HECW2: variants seen among roughly 807,000 people sequenced by gnomAD.
HECW2 encodes E3 ubiquitin-protein ligase HECW2.
HECW2 carries 61 observed loss-of-function variants against 175.2 expected under a neutral mutation model. The ratio of observed to expected loss-of-function variants is 0.35; its 90% CI spans 0.28 to 0.43. The LOEUF (loss-of-function observed/expected upper bound fraction) is 0.43, where lower values mean the gene tolerates loss of function less well. Ranked by LOEUF, HECW2 falls within the 20% of genes least tolerant of loss-of-function variation. HECW2 has a pLI of 1.00. For synonymous variants in HECW2, 671 were observed against 731.0 expected (o/e 0.92, Z 1.32); for missense variants, 1,524 against 2,000.5 (o/e 0.76, Z 4.54).
intron 1 of HECW2, among the ~76,000 whole-genome samples, chr2:196,583,621 A>T (rs1237410015): frequency 6.6e-6 from 1 of 152,234 alleles, no homozygotes; most frequent in African/African-American, 2.4e-5. Context: ...TATCTGAATG[A>T]ACTAGGCCTC....
At chr2:196,575,157 C>A (rs536928030) in intron 1 of HECW2, among the ~76,000 whole-genome samples, 1 of 142,736 alleles carries the variant, frequency 7.0e-6, no homozygotes, top group African/African-American at 2.6e-5. Flanking sequence ...AATTGGCCAA[C>A]GTATGTATGA....
chr2:196,520,070 T>C (rs192659415), intron 1 of HECW2, among the ~76,000 whole-genome samples: 212 of 152,314 alleles, frequency 1.4e-3, no homozygotes, highest in Middle Eastern at 0.014. Flanking sequence ...GTATTTTAGA[T>C]TTGATTCTAG....
chr2:196,389,992 T>A (rs1575491515), intron 2 of HECW2, among the ~76,000 whole-genome samples: 1 of 152,278 alleles, frequency 6.6e-6, no homozygotes, highest in African/African-American at 2.4e-5. Flanking sequence ...CAGGACCTCT[T>A]TAGATACTTT....
At chr2:196,442,977 T>C (rs1274308500) in intron 1 of HECW2, among the ~76,000 whole-genome samples, 1 of 152,148 alleles carries the variant, frequency 6.6e-6, no homozygotes, top group Non-Finnish European at 1.5e-5. Flanking sequence ...GGAAATTTAC[T>C]AGAAAGATAC....
intron 12 of HECW2, 78 bp from the exon 13 acceptor site, chr2:196,306,690 T>C (rs1397697945): frequency 1.4e-6 from 2 of 1,395,376 alleles, no homozygotes; most frequent in African/African-American, 1.5e-5. Context: ...TCAGTCTGCA[T>C]TTCAAAAGAA....
chr2:196,356,148 ACT>A (rs1325989103), intron 2 of HECW2, among the ~76,000 whole-genome samples: 3 of 151,556 alleles, frequency 2.0e-5, no homozygotes, highest in Admixed American at 1.3e-4. Context: ...TAACAATAAC[ACT>A]CTCTAGAACC....
intron 14 of HECW2, among the ~76,000 whole-genome samples, chr2:196,279,057 T>A (rs1410741313): frequency 1.3e-5 from 2 of 151,158 alleles, no homozygotes; most frequent in Non-Finnish European, 2.9e-5. Flanking sequence ...AAAAAAAAAT[T>A]TTTTTTTTTG....
chr2:196,419,252 T>C (rs1695342605), intron 2 of HECW2, among the ~76,000 whole-genome samples: 1 of 152,140 alleles, frequency 6.6e-6, no homozygotes, highest in African/African-American at 2.4e-5. Context: ...AATAGTTAGG[T>C]AGATTACCCA....
At chr2:196,394,155 G>C (rs1045471537) in intron 2 of HECW2, among the ~76,000 whole-genome samples, 2 of 151,678 alleles carry the variant, frequency 1.3e-5, no homozygotes, top group Admixed American at 6.6e-5. Context: ...CCGGGGGTGA[G>C]GGGGGAGAGG....
chr2:196,301,728 T>G (rs1177923971), intron 13 of HECW2, among the ~76,000 whole-genome samples: 1 of 95,034 alleles, frequency 1.1e-5, no homozygotes, highest in East Asian at 2.0e-4. Context: ...TGGGATTGTT[T>G]TTTTTTTTTT....
chr2:196,447,893 T>C (rs535904399), intron 1 of HECW2, among the ~76,000 whole-genome samples: 1 of 152,046 alleles, frequency 6.6e-6, no homozygotes, highest in South Asian at 2.1e-4. Context: ...CCATCTCTAC[T>C]AAAAATACAA....
At chr2:196,334,104 T>C (rs1313235379) in intron 4 of HECW2, among the ~76,000 whole-genome samples, 1 of 152,112 alleles carries the variant, frequency 6.6e-6, no homozygotes, top group African/African-American at 2.4e-5. Flanking sequence ...AATGCCACTC[T>C]TTCCTACCAA....
chr2:196,278,673 A>T lies in HECW2; in HGVS notation c.3001-11T>A. 6.2e-7 allele frequency: 1 copy of T among 1,613,932 alleles called. No individual in the cohort carries two copies. Among genetic ancestry groups the T allele is most frequent in the Non-Finnish European group, 8.5e-7 (1 of 1,179,874 alleles). On this transcript the variant is annotated splice_polypyrimidine_tract_variant and intron_variant, in intron 14 of 28. Transcript: ENST00000644978. ...GTCCACAAAGAATGCCTAGGATACA[A>T]TACACTGAGTCAAATACATGCCGCT...
chr2:196,203,857 T>C (rs568062477), intron 28 of HECW2, among the ~76,000 whole-genome samples: 1 of 152,194 alleles, frequency 6.6e-6, no homozygotes, highest in Non-Finnish European at 1.5e-5. Context: ...ATCCATTAAA[T>C]AGTAACTCCC....
intron 2 of HECW2, among the ~76,000 whole-genome samples, chr2:196,422,029 A>C (rs189245263): frequency 3.9e-5 from 6 of 152,300 alleles, no homozygotes; most frequent in Admixed American, 6.5e-5. Flanking sequence ...CTGTGAATTC[A>C]GATTCCACTA....
intron 1 of HECW2, among the ~76,000 whole-genome samples, chr2:196,555,062 G>T (rs188034569): frequency 1.3e-5 from 2 of 152,040 alleles, no homozygotes; most frequent in African/African-American, 4.8e-5. Flanking sequence ...CAGACACTGA[G>T]AATAAGGATA....
chr2:196,251,844 A>G (rs1479179434), intron 19 of HECW2, among the ~76,000 whole-genome samples: 1 of 152,150 alleles, frequency 6.6e-6, no homozygotes, highest in Non-Finnish European at 1.5e-5. Flanking sequence ...CTGATCTTTG[A>G]AAAGCAGGAT....
intron 21 of HECW2, among the ~76,000 whole-genome samples, chr2:196,237,331 T>C (rs918504351): frequency 6.6e-6 from 1 of 152,214 alleles, no homozygotes; most frequent in Admixed American, 6.5e-5. Context: ...TAGTCTTTTA[T>C]CCCTTGCCAC....
intron 22 of HECW2, among the ~76,000 whole-genome samples, chr2:196,226,658 C>T (rs1687862361): frequency 6.6e-6 from 1 of 150,378 alleles, no homozygotes; most frequent in Admixed American, 6.7e-5. Context: ...AATGCTATTC[C>T]CTCCTAGTGT....
Sources: allele counts gnomAD v4.1 joint callset (sites outside exome capture counted in the v4.1 genomes callset), GRCh38; gene constraint gnomAD v4.1.1; transcripts MANE v1.5; gene names NCBI Gene and HGNC (gene_info 2026-07-23, HGNC 2026-07-21).